EPRS1: variants seen among roughly 807,000 people sequenced by gnomAD.
EPRS1 encodes the protein glutamyl-prolyl-tRNA synthetase 1.
In EPRS1, 107 loss-of-function variants were observed where a neutral mutation model predicts 188.3. The ratio of observed to expected loss-of-function variants is 0.57; its 90% CI spans 0.49 to 0.67. EPRS1 has a LOEUF of 0.67. Ranked by LOEUF, EPRS1 falls within the 30% of genes least tolerant of loss-of-function variation. EPRS1 has a pLI of 0.00. For synonymous variants in EPRS1, 596 were observed against 593.1 expected, an observed-to-expected ratio of 1.00 and a Z score of -0.07; for missense variants, 1,577 against 1,802.2, an observed-to-expected ratio of 0.88 and a Z score of 2.26.
intron 5 of EPRS1, 74 bp from the exon 6 acceptor site, chr1:220,030,554 G>A (rs1262426304): frequency 5.7e-6 from 6 of 1,061,304 alleles, no homozygotes; most frequent in South Asian, 5.2e-5. Context: ...TTCAACAAAT[G>A]TGCCAGGCAC....
intron 14 of EPRS1, among the ~76,000 whole-genome samples, chr1:220,006,794 T>C (rs28758924): frequency 0.17 from 26,413 of 152,184 alleles, 3,897 homozygotes; most frequent in East Asian, 0.4. Flanking sequence ...TAGCACACTA[T>C]AGTAACTAGA....
chr1:220,026,517 T>G (rs755833393), intron 6 of EPRS1, among the ~76,000 whole-genome samples: 35 of 151,986 alleles, frequency 2.3e-4, no homozygotes, highest in Non-Finnish European at 4.1e-4. Context: ...TACAGTTTTT[T>G]TTGTTGTTGT....
At chr1:220,041,903 C>T (rs1329319126) in intron 1 of EPRS1, among the ~76,000 whole-genome samples, 1 of 152,068 alleles carries the variant, frequency 6.6e-6, no homozygotes, top group Non-Finnish European at 1.5e-5. Context: ...CCACTGGAAA[C>T]AGGGCTGTGG....
chr1:220,007,942 C>T (rs1222261883), intron 13 of EPRS1, among the ~76,000 whole-genome samples: 1 of 152,006 alleles, frequency 6.6e-6, no homozygotes, highest in Non-Finnish European at 1.5e-5. Flanking sequence ...CCCGTCTCTA[C>T]TAAAAATACA....
At chr1:219,970,906 G>C (rs1401371784) in intron 30 of EPRS1, among the ~76,000 whole-genome samples, 1 of 151,928 alleles carries the variant, frequency 6.6e-6, no homozygotes. Flanking sequence ...GATCTAAAGA[G>C]GATTTTGATA....
Position 219,988,839 on chromosome 1 carries a change from G to T in EPRS1, c.2542-16C>A, listed in dbSNP as rs1189854006. ...TTATTTTAGCCTAAAATAAAAGAGA[G>T]AAAGAGATATTTATAAAACTTTGGA... On this transcript the variant is annotated splice_polypyrimidine_tract_variant and intron_variant, in intron 18 of 31. Transcript: ENST00000366923. 6.6e-7 allele frequency: 1 copy of T among 1,504,466 alleles called. No homozygotes were observed. Among genetic ancestry groups the T allele is most frequent in the Non-Finnish European group, 9.0e-7 (1 of 1,106,950 alleles). 93.2% of individuals were successfully genotyped at this position (1,504,466 alleles called of 1,614,324 possible).
chr1:219,979,933 G>A, intron 26 of EPRS1, 152 bp downstream of exon 26: 1 of 709,344 alleles, frequency 1.4e-6, no homozygotes, highest in Non-Finnish European at 2.4e-6. Context: ...GGAGACAGAG[G>A]AATGGGATAG....
chr1:220,024,216 A>G lies in EPRS1; in HGVS notation c.943+48T>C. 2.4e-6 allele frequency: 3 copies of G among 1,243,864 alleles called. No homozygotes were observed. The South Asian group carries it at 5.0e-5, about 21-fold the overall frequency. The allele number at this position is 1,243,864 out of a possible 1,614,324, so 77.1% of individuals were successfully genotyped here. ...AAAAAGAAATCACGTTCTACTAAAGAAGCACAATATAAGAATATCAATTAA... is the reference window on the plus strand; with the variant it reads ...AAAAAGAAATCACGTTCTACTAAAGGAGCACAATATAAGAATATCAATTAA... On this transcript the variant is annotated intron_variant, in intron 8 of 31. Coordinates refer to ENST00000366923, the MANE Select transcript of EPRS1 (RefSeq NM_004446.3).
rs139646889 is a variant in EPRS1 at position 220,001,124 on chromosome 1, G to A, written c.2181+14C>T. ...ACCATTTATTTTTATACACATATCC[G>A]TAAAAGTCATTACCTCATTTTTTGT... is the stretch of plus-strand genomic sequence containing the variant. On this transcript the variant is annotated intron_variant, in intron 17 of 31. Coordinates refer to ENST00000366923, the MANE Select transcript of EPRS1 (RefSeq NM_004446.3). 9.7e-4 allele frequency: 1,373 copies of A among 1,416,220 alleles called. 33 individuals carry two copies. The South Asian group carries it at 0.014, about 14-fold the overall frequency. The allele number at this position is 1,416,220 out of a possible 1,614,324, so 87.7% of individuals were successfully genotyped here.
intron 28 of EPRS1, among the ~76,000 whole-genome samples, chr1:219,976,280 C>G (rs921006354): frequency 6.6e-6 from 1 of 152,104 alleles, no homozygotes; most frequent in African/African-American, 2.4e-5. Context: ...TCACGATAAT[C>G]AAAGAAAACC....
At chr1:220,033,708 TAAAAAG>T (rs761932529) in intron 3 of EPRS1, 50 bp from the exon 4 acceptor site, 2 of 1,427,088 alleles carry the variant, frequency 1.4e-6, no homozygotes, top group South Asian at 2.4e-5. Flanking sequence ...TTTCAACTTA[TAAAAAG>T]AAAGACCATA....
At chr1:220,038,315 C>A (rs1255931447) in intron 2 of EPRS1, among the ~76,000 whole-genome samples, 1 of 151,148 alleles carries the variant, frequency 6.6e-6, no homozygotes, top group South Asian at 2.1e-4. Flanking sequence ...CTCCTGACCT[C>A]AGGTGATCTG....
intron 20 of EPRS1, among the ~76,000 whole-genome samples, chr1:219,985,556 C>T (rs1047189085): frequency 6.6e-6 from 1 of 152,018 alleles, no homozygotes; most frequent in Non-Finnish European, 1.5e-5. Flanking sequence ...GTGTGTGCCA[C>T]CATTCCTGGT....
chr1:219,986,415 A>G (rs745488331), intron 20 of EPRS1, among the ~76,000 whole-genome samples: 1 of 152,230 alleles, frequency 6.6e-6, no homozygotes, highest in African/African-American at 2.4e-5. Flanking sequence ...CTGAATATCA[A>G]TAATTTCCCC....
intron 16 of EPRS1, among the ~76,000 whole-genome samples, chr1:220,002,073 T>C (rs1256238221): frequency 6.6e-5 from 10 of 151,940 alleles, no homozygotes; most frequent in Admixed American, 5.9e-4. Flanking sequence ...CTCATGACTC[T>C]AATCCCAGCA....
chr1:220,027,863 T>A lies in EPRS1; in HGVS notation c.623+2523A>T, dbSNP rs191741275. 5.8e-4 allele frequency among the ~76,000 whole-genome samples: 88 copies of A among 151,372 alleles called. 1 individual carries two copies. The highest frequency in any genetic ancestry group is 2.0e-3 in the African/African-American group (83 of 41,374). On this transcript the variant is annotated intron_variant, in intron 6 of 31. Coordinates refer to ENST00000366923, the MANE Select transcript of EPRS1 (RefSeq NM_004446.3). ...ATTAATTAATTAATTAAAAATTTTT[T>A]AAAAAAAGGGCTGTATGTGATATCC...
At position 220,011,066 on chromosome 1, in the gene EPRS1, A is replaced by T. The variant is rs148082656; in HGVS notation, c.1495-10T>A. 1.4e-4 allele frequency: 198 copies of T among 1,455,758 alleles called. No homozygotes were observed. The African/African-American group carries it at 2.5e-3, about 19-fold the overall frequency. The allele number at this position is 1,455,758 out of a possible 1,614,324, so 90.2% of individuals were successfully genotyped here. On this transcript the variant is annotated splice_polypyrimidine_tract_variant and intron_variant, in intron 12 of 31. Transcript: ENST00000366923. ...CCACTGGGTCAATAACCTGCAACAAATACATCCTCATGTTAAAACACTGCG... is the reference window on the plus strand; with the variant it reads ...CCACTGGGTCAATAACCTGCAACAATTACATCCTCATGTTAAAACACTGCG...
intron 2 of EPRS1, among the ~76,000 whole-genome samples, chr1:220,038,480 C>G (rs1168078306): frequency 6.7e-6 from 1 of 149,630 alleles, no homozygotes; most frequent in Non-Finnish European, 1.5e-5. Flanking sequence ...CAACCTCCGT[C>G]TCGTGGGCTC....
intron 17 of EPRS1, among the ~76,000 whole-genome samples, chr1:220,000,899 T>C (rs1331430001): frequency 1.3e-5 from 2 of 152,166 alleles, no homozygotes; most frequent in Non-Finnish European, 2.9e-5. Context: ...GAGAATTGCT[T>C]GAACCCGGGA....
Sources: gnomAD v4.1 joint callset for allele counts (sites outside exome capture counted in the v4.1 genomes callset) on GRCh38, gnomAD v4.1.1 for gene constraint, MANE v1.5 for transcripts, NCBI Gene and HGNC (gene_info 2026-07-23, HGNC 2026-07-21) for gene names.